The following GABRB3 variants were observed in gnomAD, a reference collection of about 807,000 sequenced individuals.
GABRB3 encodes the protein gamma-aminobutyric acid type A receptor subunit beta3.
In GABRB3, 14 loss-of-function variants were observed where a neutral mutation model predicts 52.1. The observed-to-expected ratio is 0.27, with a 90% CI of 0.18 to 0.42. GABRB3 has a LOEUF of 0.42. Ranked by LOEUF, GABRB3 falls within the 10% of genes least tolerant of loss-of-function variation. GABRB3 has a pLI of 1.00. For missense variants in GABRB3, 307 were observed against 609.1 expected (o/e 0.50, Z 5.22); for synonymous variants, 260 against 232.3 (o/e 1.12, Z -1.08).
rs983633545 is a variant in GABRB3, at chr15:26,753,517, G to A, written c.240+18885C>T. ...GATGATCTTTGGGACTGAGTGACAA[G>A]TGAAGCACAATTCAGGAGACCTGGT... On this transcript the variant is annotated intron_variant, in intron 3 of 8. Transcript: ENST00000311550. 3.3e-5 allele frequency among the ~76,000 whole-genome samples: 5 copies of A among 152,260 alleles called. 1 individual carries two copies. Among genetic ancestry groups the A allele is most frequent in the African/African-American group, 9.6e-5 (4 of 41,470 alleles).
intron 3 of GABRB3, among the ~76,000 whole-genome samples, chr15:26,626,059 C>T (rs2140548472): frequency 6.6e-6 from 1 of 152,248 alleles, no homozygotes; most frequent in East Asian, 1.9e-4. Context: ...TTTCCAACAG[C>T]ATATGCTCAC....
At chr15:26,713,203 G>A (rs1054311540) in intron 3 of GABRB3, among the ~76,000 whole-genome samples, 35 of 152,182 alleles carry the variant, frequency 2.3e-4, no homozygotes, top group African/African-American at 8.4e-4. Flanking sequence ...GGCAGGGTGC[G>A]GCAGTGGGAA....
intron 3 of GABRB3, among the ~76,000 whole-genome samples, chr15:26,640,120 T>C (rs1282409297): frequency 1.3e-5 from 2 of 152,194 alleles, no homozygotes; most frequent in Non-Finnish European, 2.9e-5. Flanking sequence ...ACTATTCATA[T>C]TCAAATGAGC....
Position 26,544,380 on chromosome 15 carries a change from G to T in GABRB3, c.*3413C>A, listed in dbSNP as rs901682258. ...TGATCTCCTCAGTAAAAATGTCAAC[G>T]CTGTGTTTGGACAAGAGAGAAGTGC... On this transcript the variant is annotated 3_prime_UTR_variant, in exon 9 of 9. Coordinates refer to ENST00000311550, the MANE Select transcript of GABRB3 (RefSeq NM_000814.6). The T allele has an allele frequency of 6.6e-6, 1 of 152,576 alleles. No homozygotes were observed. Among genetic ancestry groups the T allele is most frequent in the African/African-American group, 2.4e-5 (1 of 41,438 alleles). 9.5% of individuals were successfully genotyped at this position (152,576 alleles called of 1,614,324 possible).
At chr15:26,645,621 A>C (rs1484289463) in intron 3 of GABRB3, among the ~76,000 whole-genome samples, 1 of 152,194 alleles carries the variant, frequency 6.6e-6, no homozygotes, top group East Asian at 1.9e-4. Context: ...GGACCAGCTT[A>C]ATGGTTCTAC....
rs1453509948 is a variant in GABRB3 at position 26,545,348 on chromosome 15, C to T, written c.*2445G>A. The T allele has an allele frequency of 6.6e-6, 1 of 152,492 alleles. No individual in the cohort carries two copies. Among genetic ancestry groups the T allele is most frequent in the Admixed American group, 6.5e-5 (1 of 15,268 alleles). 9.4% of individuals were successfully genotyped at this position (152,492 alleles called of 1,614,324 possible). On this transcript the variant is annotated 3_prime_UTR_variant, in exon 9 of 9. Coordinates refer to ENST00000311550, the MANE Select transcript of GABRB3 (RefSeq NM_000814.6). ...CAAAAGCTATTATGACTATACCATG[C>T]AAATTTATATCCAGAAAACCTTGGG...
chr15:26,601,569 C>G (rs2140501184), intron 4 of GABRB3, among the ~76,000 whole-genome samples: 1 of 152,098 alleles, frequency 6.6e-6, no homozygotes, highest in African/African-American at 2.4e-5. Context: ...TCAATAATTA[C>G]CTCAAATATA....
intron 7 of GABRB3, among the ~76,000 whole-genome samples, chr15:26,562,241 C>G (rs1890018231): frequency 6.6e-6 from 1 of 152,188 alleles, no homozygotes; most frequent in South Asian, 2.1e-4. Context: ...CTGACGCGCT[C>G]TCTTGGAGAC....
chr15:26,639,341 GAA>G (rs71420015), intron 3 of GABRB3, among the ~76,000 whole-genome samples: 5 of 126,146 alleles, frequency 4.0e-5, no homozygotes, highest in African/African-American at 1.2e-4. Context: ...GAAAATATTT[GAA>G]AAAAAAAAAA....
intron 3 of GABRB3, among the ~76,000 whole-genome samples, chr15:26,673,346 G>A (rs1048658610): frequency 5.3e-5 from 8 of 152,074 alleles, no homozygotes; most frequent in Non-Finnish European, 1.2e-4. Context: ...TGAGTGAATA[G>A]CTGAGTTCAG....
intron 8 of GABRB3, among the ~76,000 whole-genome samples, chr15:26,548,522 C>T (rs2140646878): frequency 6.6e-6 from 1 of 152,290 alleles, no homozygotes; most frequent in East Asian, 1.9e-4. Flanking sequence ...TCCCATTTGT[C>T]TTTGGAAGTC....
At chr15:26,601,548 G>A (rs1017565872) in intron 4 of GABRB3, among the ~76,000 whole-genome samples, 2 of 152,098 alleles carry the variant, frequency 1.3e-5, no homozygotes, top group Non-Finnish European at 2.9e-5. Context: ...ATGGTAGTAA[G>A]ATCTTACCTA....
chr15:26,677,820 A>T (rs1888115338), intron 3 of GABRB3, among the ~76,000 whole-genome samples: 1 of 152,200 alleles, frequency 6.6e-6, no homozygotes, highest in Admixed American at 6.5e-5. Context: ...AAGTTCCCAT[A>T]AGAATTTGTA....
intron 3 of GABRB3, among the ~76,000 whole-genome samples, chr15:26,645,204 G>A (rs4906685): frequency 0.1 from 15,300 of 152,132 alleles, 875 homozygotes; most frequent in Admixed American, 0.19. Flanking sequence ...ATTGCACGAC[G>A]CACTACAGCC....
At chr15:26,552,136 T>C (rs555409882) in intron 8 of GABRB3, among the ~76,000 whole-genome samples, 6 of 152,140 alleles carry the variant, frequency 3.9e-5, no homozygotes, top group Admixed American at 3.3e-4. Flanking sequence ...GCCTCCCAAG[T>C]AGCTGGGATT....
intron 3 of GABRB3, among the ~76,000 whole-genome samples, chr15:26,718,489 G>A (rs1315481157): frequency 2.6e-5 from 4 of 152,204 alleles, no homozygotes; most frequent in African/African-American, 7.2e-5. Context: ...GATTACAGGC[G>A]TGAGCCACCG....
rs143690322 is a variant in GABRB3, at chr15:26,598,406, A to C, written c.462-14992T>G. Among the ~76,000 whole-genome samples, 296 of 152,286 alleles carry C rather than the reference A, an allele frequency of 1.9e-3. 6 individuals carry two copies. In the East Asian group the frequency reaches 0.036, roughly 19 times the overall value. On this transcript the variant is annotated intron_variant, in intron 4 of 8. Transcript: ENST00000311550. ...AAGTGGTGGAATAGGATGCCAGACT[A>C]CACCTTCACCCCTCCACCCCACAGA...
intron 3 of GABRB3, among the ~76,000 whole-genome samples, chr15:26,709,944 T>C (rs917491833): frequency 2.0e-5 from 3 of 152,240 alleles, no homozygotes; most frequent in African/African-American, 7.2e-5. Flanking sequence ...TCATGCATTT[T>C]TGCAGTCATT....
chr15:26,740,661 C>G (rs1385197209), intron 3 of GABRB3, among the ~76,000 whole-genome samples: 1 of 152,198 alleles, frequency 6.6e-6, no homozygotes, highest in African/African-American at 2.4e-5. Context: ...TTGGCTCTCC[C>G]TCCTTGGAAT....
Sources: gnomAD v4.1 joint callset for allele counts (sites outside exome capture counted in the v4.1 genomes callset) on GRCh38, gnomAD v4.1.1 for gene constraint, MANE v1.5 for transcripts, NCBI Gene and HGNC (gene_info 2026-07-23, HGNC 2026-07-21) for gene names.